The following ATP8A2 variants were observed in gnomAD, a reference collection of about 807,000 sequenced individuals.
ATP8A2 encodes phospholipid-transporting ATPase IB.
ATP8A2 carries 100 observed loss-of-function variants against 165.6 expected under a neutral mutation model. That is an observed-to-expected ratio of 0.60 (90% CI 0.51 to 0.71). The LOEUF is 0.71. Among genes scored for constraint, ATP8A2 ranks in the 30% least tolerant of loss-of-function variants. The probability of loss-of-function intolerance (pLI) is 0.00; values close to 1 mark genes in which losing one functional copy is unlikely to be tolerated. For missense variants in ATP8A2, 1,227 were observed against 1,479.5 expected (o/e 0.83, Z 2.80); for synonymous variants, 543 against 548.8 (o/e 0.99, Z 0.15).
chr13:25,698,947 T>C (rs2042892397), intron 24 of ATP8A2, among the ~76,000 whole-genome samples: 1 of 152,182 alleles, frequency 6.6e-6, no homozygotes, highest in African/African-American at 2.4e-5. Flanking sequence ...AAGTGGATTA[T>C]TGTAAATTTC....
chr13:25,422,856 C>T (rs2034338823), intron 1 of ATP8A2, among the ~76,000 whole-genome samples: 1 of 152,216 alleles, frequency 6.6e-6, no homozygotes, highest in Admixed American at 6.5e-5. Flanking sequence ...CAGGCTGTTG[C>T]TGGGGCAAAT....
At chr13:25,401,700 C>T (rs540605372) in intron 1 of ATP8A2, among the ~76,000 whole-genome samples, 49 of 152,182 alleles carry the variant, frequency 3.2e-4, no homozygotes, top group African/African-American at 7.7e-4. Flanking sequence ...CCGGAAACCT[C>T]GGATGGTACC....
chr13:25,474,124 A>T (rs897012014), intron 2 of ATP8A2, among the ~76,000 whole-genome samples: 30 of 152,358 alleles, frequency 2.0e-4, no homozygotes, highest in Non-Finnish European at 2.1e-4. Context: ...CGTTTTAGCT[A>T]GCAAAAACTT....
chr13:25,965,439 T>C (rs1955755483), intron 34 of ATP8A2, among the ~76,000 whole-genome samples: 1 of 152,224 alleles, frequency 6.6e-6, no homozygotes, highest in Non-Finnish European at 1.5e-5. Context: ...ATAAAATGCC[T>C]ACGCTATTAT....
intron 2 of ATP8A2, among the ~76,000 whole-genome samples, chr13:25,509,771 C>A (rs2037162668): frequency 6.6e-6 from 1 of 152,054 alleles, no homozygotes; most frequent in Middle Eastern, 3.2e-3. Flanking sequence ...GAAAAGATGA[C>A]TAAACATTTT....
At chr13:25,731,375 AAGAGGG>A (rs1252316504) in intron 25 of ATP8A2, among the ~76,000 whole-genome samples, 5 of 142,290 alleles carry the variant, frequency 3.5e-5, no homozygotes, top group African/African-American at 1.3e-4. Context: ...GGAAGGAAGG[AAGAGGG>A]AGGAAGAAAA....
At chr13:25,543,805 C>T (rs935476999) in intron 10 of ATP8A2, among the ~76,000 whole-genome samples, 10 of 152,002 alleles carry the variant, frequency 6.6e-5, no homozygotes, top group African/African-American at 9.7e-5. Context: ...ATTTTTGAAC[C>T]GTTTAGTTTT....
chr13:26,008,493 T>C (rs1016527559), intron 35 of ATP8A2, among the ~76,000 whole-genome samples: 1 of 152,076 alleles, frequency 6.6e-6, no homozygotes, highest in African/African-American at 2.4e-5. Flanking sequence ...ATACTGTAGA[T>C]AGAAGCTCCA....
chr13:25,606,533 G>C (rs2138405690), intron 24 of ATP8A2, among the ~76,000 whole-genome samples: 1 of 152,224 alleles, frequency 6.6e-6, no homozygotes, highest in East Asian at 1.9e-4. Flanking sequence ...CCAGCTGAAT[G>C]GTCTAGTTCT....
chr13:25,468,933 G>T, intron 1 of ATP8A2, 44 bp from the exon 2 acceptor site: 1 of 1,588,474 alleles, frequency 6.3e-7, no homozygotes, highest in Non-Finnish European at 8.6e-7. Context: ...CCTGGCGGTT[G>T]ACTTCTTTGT....
At chr13:25,705,149 CT>C in intron 25 of ATP8A2, 1 of 431,384 alleles carries the variant, frequency 2.3e-6, no homozygotes, top group Non-Finnish European at 4.6e-6. Context: ...CTCATTTTCC[CT>C]TTTTCTTTGA....
At chr13:25,902,559 C>T (rs369111498) in intron 33 of ATP8A2, among the ~76,000 whole-genome samples, 1 of 145,042 alleles carries the variant, frequency 6.9e-6, no homozygotes. Flanking sequence ...ATTATAGCAA[C>T]AACATCAATT....
chr13:25,543,511 C>T, intron 10 of ATP8A2, 109 bp downstream of exon 10: 1 of 675,248 alleles, frequency 1.5e-6, no homozygotes, highest in Admixed American at 2.6e-5. Context: ...TGTCTATGAA[C>T]CTAAATTTGG....
chr13:25,868,530 T>A (rs1952583023), intron 33 of ATP8A2, among the ~76,000 whole-genome samples: 1 of 150,610 alleles, frequency 6.6e-6, no homozygotes, highest in South Asian at 2.1e-4. Flanking sequence ...TTCATTGAAG[T>A]CCAATTCACA....
At chr13:25,878,728 A>C (rs1006183415) in intron 33 of ATP8A2, among the ~76,000 whole-genome samples, 1 of 152,022 alleles carries the variant, frequency 6.6e-6, no homozygotes, top group African/African-American at 2.4e-5. Context: ...CTGTGGTTCA[A>C]ACGCCTCTGA....
At chr13:25,686,368 G>A (rs2042601941) in intron 24 of ATP8A2, among the ~76,000 whole-genome samples, 1 of 152,178 alleles carries the variant, frequency 6.6e-6, no homozygotes, top group Non-Finnish European at 1.5e-5. Flanking sequence ...AGCTGCCTTG[G>A]TCATCTTTAT....
At chr13:25,443,728 T>G (rs1224905305) in intron 1 of ATP8A2, among the ~76,000 whole-genome samples, 1 of 152,240 alleles carries the variant, frequency 6.6e-6, no homozygotes, top group East Asian at 1.9e-4. Context: ...TTGTTTATTT[T>G]GTTTATTGTC....
At chr13:25,859,181 G>A (rs925098992) in intron 30 of ATP8A2, among the ~76,000 whole-genome samples, 8 of 151,562 alleles carry the variant, frequency 5.3e-5, no homozygotes, top group African/African-American at 1.7e-4. Flanking sequence ...CAGCCTGGGC[G>A]ACAGACCGAG....
intron 33 of ATP8A2, among the ~76,000 whole-genome samples, chr13:25,878,460 GAA>G: frequency 1.1e-5 from 1 of 93,672 alleles, no homozygotes; most frequent in South Asian, 2.8e-4. Context: ...AGGAATAAAA[GAA>G]TGACTATTCC....
Sources: gnomAD v4.1 joint callset for allele counts (sites outside exome capture counted in the v4.1 genomes callset) on GRCh38, gnomAD v4.1.1 for gene constraint, MANE v1.5 for transcripts, NCBI Gene and HGNC (gene_info 2026-07-23, HGNC 2026-07-21) for gene names.